TMEM135: variants seen among roughly 807,000 people sequenced by gnomAD.
TMEM135 encodes peroxisomal membrane protein 52.
Under a neutral mutation model 60.3 loss-of-function variants are expected in TMEM135, and 30 were observed. That is an observed-to-expected ratio of 0.50 (90% CI 0.37 to 0.68). TMEM135 has a LOEUF of 0.68. Among genes scored for constraint, TMEM135 ranks in the 30% least tolerant of loss-of-function variants. TMEM135 has a pLI of 0.00. For synonymous variants in TMEM135, 190 were observed against 186.7 expected (o/e 1.02, Z -0.14); for missense variants, 468 against 548.8 (o/e 0.85, Z 1.47).
Position 87,071,600 on chromosome 11 carries a change from T to C in TMEM135, c.347T>C (p.Ile116Thr), listed in dbSNP as rs754651757. 6.2e-7 allele frequency: 1 copy of C among 1,613,536 alleles called. No homozygotes were observed. Among genetic ancestry groups the C allele is most frequent in the Non-Finnish European group, 8.5e-7 (1 of 1,179,802 alleles). ...ALPASYVAIL[I>T]ERKSRRGLLT... ...CCAGCATCTTATGTGGCCATTCTCA[T>C]TGAAAGAAAAAGCAGGTAAAATTTC... The change falls in exon 3 of 15, where the codon ATT becomes ACT. Residue 116 changes from isoleucine to threonine, a missense_variant. Physicochemically the swap from Ile to Thr is moderately conservative, Grantham distance 89. Transcript: ENST00000305494.
intron 4 of TMEM135, among the ~76,000 whole-genome samples, chr11:87,145,576 T>A (rs1938391822): frequency 6.6e-6 from 1 of 152,170 alleles, no homozygotes; most frequent in Non-Finnish European, 1.5e-5. Context: ...CTTTTCTCCA[T>A]ATCCTTGCCA....
chr11:87,162,372 G>A (rs566966304), intron 5 of TMEM135, among the ~76,000 whole-genome samples: 1 of 152,098 alleles, frequency 6.6e-6, no homozygotes, highest in Admixed American at 6.5e-5. Context: ...CCCTCCCCTA[G>A]CCCTCCAACG....
chr11:87,046,452 G>T (rs567263268), intron 1 of TMEM135, among the ~76,000 whole-genome samples: 1 of 152,194 alleles, frequency 6.6e-6, no homozygotes, highest in Non-Finnish European at 1.5e-5. Flanking sequence ...ATGTAAGTTC[G>T]AAGGATCAAA....
At chr11:87,221,583 T>G (rs1031659755) in intron 5 of TMEM135, among the ~76,000 whole-genome samples, 2 of 152,206 alleles carry the variant, frequency 1.3e-5, no homozygotes, top group African/African-American at 4.8e-5. Context: ...TGATGCTCTC[T>G]GTACACAAAT....
At chr11:87,191,842 T>C (rs1266975252) in intron 5 of TMEM135, among the ~76,000 whole-genome samples, 1 of 152,128 alleles carries the variant, frequency 6.6e-6, no homozygotes, top group Non-Finnish European at 1.5e-5. Flanking sequence ...TCTATGTTTT[T>C]GGAATAATTT....
intron 5 of TMEM135, among the ~76,000 whole-genome samples, chr11:87,188,704 C>CAAAA (rs11374133): frequency 1.4e-4 from 21 of 146,450 alleles, no homozygotes; most frequent in African/African-American, 5.0e-4. Context: ...AACTCAGTCT[C>CAAAA]AAAAAAAAAA....
At chr11:87,177,243 C>G (rs1016060438) in intron 5 of TMEM135, among the ~76,000 whole-genome samples, 4 of 152,096 alleles carry the variant, frequency 2.6e-5, no homozygotes, top group Non-Finnish European at 5.9e-5. Context: ...ATCCTACATC[C>G]TACTTGTGAG....
chr11:87,042,959 G>GTT (rs59843545), intron 1 of TMEM135, among the ~76,000 whole-genome samples: 2,786 of 141,148 alleles, frequency 0.02, 104 homozygotes, highest in East Asian at 0.062. Context: ...GTTTTGTTTT[G>GTT]TTTTTTTTTT....
intron 1 of TMEM135, among the ~76,000 whole-genome samples, chr11:87,053,832 C>T (rs115167964): frequency 0.02 from 2,973 of 152,098 alleles, 81 homozygotes; most frequent in East Asian, 0.064. Context: ...TTTTAAATTG[C>T]CTTTTAATTA....
chr11:87,041,732 A>G lies in TMEM135; in HGVS notation c.141+3546A>G, dbSNP rs572422949. On this transcript the variant is annotated intron_variant, in intron 1 of 14. Coordinates refer to ENST00000305494, the MANE Select transcript of TMEM135 (RefSeq NM_022918.4). ...TAGTACCTCATTAAATGCTTAATAT[A>G]TGTCTAAATGAGTGAAGGTATGAAT... Among the ~76,000 whole-genome samples the G allele has an allele frequency of 5.3e-5, 8 of 152,338 alleles. No individual in the cohort carries two copies. The East Asian group carries it at 1.3e-3, about 26-fold the overall frequency.
At position 87,066,779 on chromosome 11, in the gene TMEM135, C is replaced by CTTTTTTTTTTTTTTTTTTTTTT. The variant is rs201355341; in HGVS notation, c.142-912_142-911insTTTTTTTTTTTTTTTTTTTTTT. Among the ~76,000 whole-genome samples the CTTTTTTTTTTTTTTTTTTTTTT allele has an allele frequency of 2.3e-5, 3 of 129,178 alleles. 1 individual carries two copies. The allele number at this position is 129,178 out of a possible 152,430, so 84.7% of individuals were successfully genotyped here. A position where few individuals can be genotyped will look rare whatever the true frequency, so the allele number is the denominator to read the frequency against. On this transcript the variant is annotated intron_variant, in intron 1 of 14. Transcript: ENST00000305494. The stretch of plus-strand genomic sequence containing the variant: ...TACATACTTGTGTTGTTACTAGATT[C>CTTTTTTTTTTTTTTTTTTTTTT]TTTCTTTTTTTTTTTTTTTTGAGAC...
intron 5 of TMEM135, among the ~76,000 whole-genome samples, chr11:87,211,206 C>G (rs1308663920): frequency 6.6e-6 from 1 of 152,108 alleles, no homozygotes; most frequent in East Asian, 1.9e-4. Context: ...AGACTTAGTA[C>G]TTTATAGAAT....
At chr11:87,137,266 T>TAAAAAAAAAAAAAAAAAAAAAAAAAAAA (rs11424292) in intron 4 of TMEM135, among the ~76,000 whole-genome samples, 1 of 147,014 alleles carries the variant, frequency 6.8e-6, no homozygotes. Flanking sequence ...TGCCTATATC[T>TAAAAAAAAAAAAAAAAAAAAAAAAAAAA]AAAAAAAAAA....
chr11:87,212,891 AAATT>A (rs553317627), intron 5 of TMEM135, among the ~76,000 whole-genome samples: 24 of 151,964 alleles, frequency 1.6e-4, no homozygotes, highest in Non-Finnish European at 2.9e-4. Context: ...GATTTAATAA[AAATT>A]AATATACAAA....
intron 6 of TMEM135, among the ~76,000 whole-genome samples, chr11:87,247,149 C>G (rs1785602): frequency 0.66 from 98,921 of 150,410 alleles, 33,157 homozygotes; most frequent in Non-Finnish European, 0.71. Context: ...TACCAGCAGC[C>G]GTGGCTGCAG....
intron 7 of TMEM135, among the ~76,000 whole-genome samples, chr11:87,298,949 G>A (rs917391776): frequency 6.6e-6 from 1 of 151,930 alleles, no homozygotes; most frequent in Non-Finnish European, 1.5e-5. Flanking sequence ...TTAGCTGGGT[G>A]TGGTGATGGG....
chr11:87,310,985 C>T (rs1484129192), intron 10 of TMEM135, among the ~76,000 whole-genome samples: 3 of 151,558 alleles, frequency 2.0e-5, no homozygotes, highest in Non-Finnish European at 4.4e-5. Flanking sequence ...TACCTTCCCT[C>T]TGTCTACAAA....
intron 5 of TMEM135, among the ~76,000 whole-genome samples, chr11:87,170,761 TG>T (rs1939214817): frequency 6.6e-6 from 1 of 152,096 alleles, no homozygotes; most frequent in Admixed American, 6.6e-5. Context: ...TCAGAAGGCA[TG>T]GGGGTCAAGG....
chr11:87,265,720 C>A (rs953930727), intron 6 of TMEM135, among the ~76,000 whole-genome samples: 4 of 151,988 alleles, frequency 2.6e-5, no homozygotes, highest in African/African-American at 9.7e-5. Flanking sequence ...GTATAGGATG[C>A]CAAATTATCT....
Sources: gnomAD v4.1 joint callset for allele counts (sites outside exome capture counted in the v4.1 genomes callset) on GRCh38, gnomAD v4.1.1 for gene constraint, MANE v1.5 for transcripts, NCBI Gene and HGNC (gene_info 2026-07-23, HGNC 2026-07-21) for gene names.